The following EMCN variants were observed in gnomAD, a reference collection of about 807,000 sequenced individuals.
EMCN encodes the protein endomucin, also known as MUC-14.
A neutral mutation model predicts 38.4 loss-of-function variants in EMCN; 37 were observed. The observed-to-expected ratio is 0.96, with a 90% CI of 0.74 to 1.27. The LOEUF (loss-of-function observed/expected upper bound fraction) is 1.27. EMCN is among the 50% of genes most tolerant of loss of function. The pLI, the probability that EMCN is intolerant of heterozygous loss-of-function variation, is 0.00. For missense variants in EMCN, 318 were observed against 302.8 expected (o/e 1.05, Z -0.37); for synonymous variants, 95 against 100.8 (o/e 0.94, Z 0.35).
At chr4:100,430,754 A>G (rs1385871911) in intron 5 of EMCN, among the ~76,000 whole-genome samples, 3 of 152,322 alleles carry the variant, frequency 2.0e-5, no homozygotes, top group Non-Finnish European at 4.4e-5. Flanking sequence ...CATACCCAGA[A>G]TCTGTACAAT....
At chr4:100,434,751 G>C (rs565519816) in intron 5 of EMCN, among the ~76,000 whole-genome samples, 3 of 152,164 alleles carry the variant, frequency 2.0e-5, no homozygotes, top group Non-Finnish European at 4.4e-5. Flanking sequence ...AATTCATCAC[G>C]TAAACAGAAC....
chr4:100,504,954 C>T (rs188356941), intron 1 of EMCN, among the ~76,000 whole-genome samples: 153 of 152,314 alleles, frequency 1.0e-3, no homozygotes, highest in Admixed American at 3.1e-3. Flanking sequence ...ATCCTATACA[C>T]CTGGCTCTCC....
At position 100,474,980 on chromosome 4, in the gene EMCN, ATTATG is replaced by A. The variant is rs1032573416; in HGVS notation, c.259+53_259+57del. Reference sequence around the variant, plus strand: ...AATTGTACACTTTAAAAGGGTGACTATTATGTTATGTGAATTATATATTTTTTAAA... The same window carrying A: ...AATTGTACACTTTAAAAGGGTGACTATTATGTGAATTATATATTTTTTAAA... On this transcript the variant is annotated intron_variant, in intron 3 of 11. Coordinates refer to ENST00000296420, the MANE Select transcript of EMCN (RefSeq NM_016242.4). 2.5e-5 allele frequency: 23 copies of A among 925,646 alleles called. No individual in the cohort carries two copies. In the East Asian group the frequency reaches 3.8e-4, roughly 15 times the overall value. The allele number at this position is 925,646 out of a possible 1,614,324, so 57.3% of individuals were successfully genotyped here.
At chr4:100,471,176 A>G (rs1033784367) in intron 3 of EMCN, among the ~76,000 whole-genome samples, 1 of 151,920 alleles carries the variant, frequency 6.6e-6, no homozygotes, top group Non-Finnish European at 1.5e-5. Flanking sequence ...TTGAAAAGAT[A>G]TATAAAATTG....
intron 1 of EMCN, among the ~76,000 whole-genome samples, chr4:100,482,611 G>A (rs1728841626): frequency 6.6e-6 from 1 of 152,082 alleles, no homozygotes; most frequent in South Asian, 2.1e-4. Flanking sequence ...AGTGTGCTAT[G>A]AAGGAACATA....
In EMCN at chr4:100,447,542, C is replaced by T. The variant is rs2110243045; in HGVS notation, c.406G>A (p.Glu136Lys). The change falls in exon 5 of 12, where the codon GAA becomes AAA. Residue 136 changes from glutamate to lysine, a missense_variant. Coordinates refer to ENST00000296420, the MANE Select transcript of EMCN (RefSeq NM_016242.4). The stretch of plus-strand genomic sequence containing the variant: ...AGAAAAAAGAGCTTACCTGGTATTT[C>T]TGTTGTTTTAATTGAACTCTGAGTT... ...TETQSSIKTT[E>K]IPGSVLQPDA... 1 of 1,603,060 alleles carries T rather than the reference C, an allele frequency of 6.2e-7. No homozygotes were observed. The highest frequency in any genetic ancestry group is 1.1e-5 in the South Asian group (1 of 90,702).
chr4:100,479,101 T>C (rs1728738570), intron 2 of EMCN, among the ~76,000 whole-genome samples: 1 of 152,182 alleles, frequency 6.6e-6, no homozygotes, highest in Non-Finnish European at 1.5e-5. Context: ...GTCTTCTGCA[T>C]ATGTTTGACC....
intron 5 of EMCN, among the ~76,000 whole-genome samples, chr4:100,427,829 C>T (rs1483762070): frequency 6.6e-6 from 1 of 152,136 alleles, no homozygotes; most frequent in Non-Finnish European, 1.5e-5. Flanking sequence ...CACATTTTAA[C>T]TTCCACTCTA....
chr4:100,499,018 A>AT (rs1317882683), intron 1 of EMCN, among the ~76,000 whole-genome samples: 2 of 151,910 alleles, frequency 1.3e-5, no homozygotes, highest in East Asian at 3.9e-4. Flanking sequence ...TGCAGAAAAG[A>AT]TTTTTTCAGT....
At chr4:100,484,755 G>A (rs377269016) in intron 1 of EMCN, among the ~76,000 whole-genome samples, 6 of 152,142 alleles carry the variant, frequency 3.9e-5, no homozygotes, top group South Asian at 2.1e-4. Flanking sequence ...ATTTGAGATC[G>A]GGAAATAAAT....
chr4:100,444,827 G>A (rs113813322), intron 5 of EMCN, among the ~76,000 whole-genome samples: 6 of 152,140 alleles, frequency 3.9e-5, no homozygotes, highest in African/African-American at 1.4e-4. Context: ...GAGGAGGGAG[G>A]GCCACAGCAT....
chr4:100,463,774 CTTTCA>C (rs1728244529), intron 4 of EMCN, among the ~76,000 whole-genome samples: 1 of 152,076 alleles, frequency 6.6e-6, no homozygotes, highest in Non-Finnish European at 1.5e-5. Context: ...TGTATGGCTT[CTTTCA>C]TTGAGTATAA....
intron 5 of EMCN, among the ~76,000 whole-genome samples, chr4:100,440,549 A>G (rs1010554308): frequency 2.0e-5 from 3 of 152,010 alleles, no homozygotes; most frequent in African/African-American, 7.2e-5. Flanking sequence ...CTCCATCCAA[A>G]TATCTGCAAA....
chr4:100,426,409 GC>G (rs1212831199), intron 5 of EMCN, among the ~76,000 whole-genome samples: 1 of 152,040 alleles, frequency 6.6e-6, no homozygotes, highest in Non-Finnish European at 1.5e-5. Context: ...AGAATGCATG[GC>G]AGCCTAGATG....
At chr4:100,466,388 T>C (rs2110264487) in intron 3 of EMCN, among the ~76,000 whole-genome samples, 1 of 152,320 alleles carries the variant, frequency 6.6e-6, no homozygotes, top group East Asian at 1.9e-4. Context: ...TTTCTAGAAG[T>C]GCAGTCAACT....
At chr4:100,514,286 A>C (rs958176551) in intron 1 of EMCN, among the ~76,000 whole-genome samples, 2 of 151,780 alleles carry the variant, frequency 1.3e-5, no homozygotes, top group African/African-American at 4.8e-5. Context: ...CCATTTTCCT[A>C]TTTCTGGTAT....
chr4:100,468,526 A>C (rs1391704730), intron 3 of EMCN, among the ~76,000 whole-genome samples: 2 of 152,150 alleles, frequency 1.3e-5, no homozygotes, highest in African/African-American at 4.8e-5. Flanking sequence ...CATAGGAAAA[A>C]TGTCTGACCA....
intron 1 of EMCN, among the ~76,000 whole-genome samples, chr4:100,510,291 C>G (rs1341266124): frequency 6.6e-6 from 1 of 152,108 alleles, no homozygotes; most frequent in East Asian, 1.9e-4. Context: ...TAACATAAAT[C>G]TGAAAGATAT....
At chr4:100,487,726 G>A (rs895670687) in intron 1 of EMCN, among the ~76,000 whole-genome samples, 5 of 152,174 alleles carry the variant, frequency 3.3e-5, no homozygotes, top group African/African-American at 4.8e-5. Flanking sequence ...CTGCCGTCAT[G>A]TAAGACATGA....
Sources: allele counts gnomAD v4.1 joint callset (sites outside exome capture counted in the v4.1 genomes callset), GRCh38; gene constraint gnomAD v4.1.1; transcripts MANE v1.5; gene names NCBI Gene and HGNC (gene_info 2026-07-23, HGNC 2026-07-21).